DNAH17: variants seen among roughly 807,000 people sequenced by gnomAD.
DNAH17 encodes the protein axonemal beta dynein heavy chain 17.
In DNAH17, 376 loss-of-function variants were observed where a neutral mutation model predicts 485.6. The observed-to-expected ratio is 0.77, with a 90% confidence interval of 0.71 to 0.84. The LOEUF is 0.84. DNAH17 is among the 40% of genes least tolerant of loss of function. The probability of loss-of-function intolerance (pLI) is 0.00; values close to 1 mark genes in which losing one functional copy is unlikely to be tolerated. For synonymous variants in DNAH17, 3,031 were observed against 2,405.9 expected, an observed-to-expected ratio of 1.26 and a Z score of -7.60; for missense variants, 6,370 against 5,839.3, an observed-to-expected ratio of 1.09 and a Z score of -2.96.
intron 48 of DNAH17, 162 bp downstream of exon 48, chr17:78,484,697 GGGGCCCAGC>G (rs1425705815): frequency 4.9e-6 from 2 of 407,510 alleles, no homozygotes; most frequent in African/African-American, 4.2e-5. Context: ...CACAAACTTG[GGGGCCCAGC>G]TACGACCCGT....
chr17:78,508,556 A>C (rs2090549885), intron 27 of DNAH17, among the ~76,000 whole-genome samples: 1 of 152,172 alleles, frequency 6.6e-6, no homozygotes, highest in East Asian at 1.9e-4. Flanking sequence ...TGGAATTCTC[A>C]GACCCAGCTG....
Position 78,485,571 on chromosome 17 carries a change from T to C in DNAH17, c.7462A>G (p.Thr2488Ala). 6.2e-7 allele frequency: 1 copy of C among 1,612,496 alleles called. No homozygotes were observed. Residue 2488 changes from threonine (T) to alanine (A), a missense_variant, in exon 47 of 81, where the codon ACG (threonine) becomes GCG (alanine). Physicochemically the swap from Thr to Ala is moderately conservative, Grantham distance 58 (BLOSUM62 0). Coordinates refer to ENST00000389840, the MANE Select transcript of DNAH17 (RefSeq NM_173628.4). ...LVQAVPFNFYTTSAMLQGVLE... is the reference protein window; with the variant it reads ...LVQAVPFNFYATSAMLQGVLE... ...TCACCCTGCAGCATGGCTGAGGTCG[T>C]GTAGAAGTTGAAGGGCACAGCCTGC...
chr17:78,467,450 G>A (rs1389935066), intron 55 of DNAH17, among the ~76,000 whole-genome samples: 1 of 152,254 alleles, frequency 6.6e-6, no homozygotes, highest in Non-Finnish European at 1.5e-5. Context: ...GACAGAGCCG[G>A]CACTGGCAGG....
chr17:78,563,448 G>T (rs1408438651), intron 11 of DNAH17, among the ~76,000 whole-genome samples: 1 of 152,026 alleles, frequency 6.6e-6, no homozygotes, highest in Non-Finnish European at 1.5e-5. Flanking sequence ...CTGTAATGCG[G>T]GTAGATGTTT....
intron 11 of DNAH17, among the ~76,000 whole-genome samples, chr17:78,562,471 GT>G (rs995315356): frequency 2.8e-4 from 43 of 152,082 alleles, no homozygotes; most frequent in Admixed American, 3.9e-4. Flanking sequence ...GCGGGGTCCA[GT>G]TTTTGTATTC....
At chr17:78,529,431 C>G (rs1455171918) in intron 22 of DNAH17, 41 bp downstream of exon 22, 2 of 1,602,876 alleles carry the variant, frequency 1.2e-6, no homozygotes, top group Non-Finnish European at 1.7e-6. Context: ...GGATGGCTCT[C>G]CCTGCTCACC....
At chr17:78,482,939 C>G (rs1480324473) in intron 48 of DNAH17, among the ~76,000 whole-genome samples, 2 of 152,156 alleles carry the variant, frequency 1.3e-5, no homozygotes, top group Admixed American at 1.3e-4. Context: ...AAATCTTAAA[C>G]AAATTTTACA....
In DNAH17 at chr17:78,485,022, T is replaced by C. The variant is rs1296883516; in HGVS notation, c.7495A>G (p.Lys2499Glu). ...CTCCCCGATTTCTTCTCCAGCGGCT[T>C]CTCCAGCACCCCTAGAGAGGGCAGA... Reference protein sequence around the residue: ...TSAMLQGVLEKPLEKKSGRNY... With the variant: ...TSAMLQGVLEEPLEKKSGRNY... Residue 2499 changes from lysine to glutamate, a missense_variant, in exon 48 of 81, where the codon AAG (lysine) becomes GAG (glutamate). Transcript: ENST00000389840. 2 of 1,610,500 alleles carry C rather than the reference T, an allele frequency of 1.2e-6. No homozygotes were observed. The highest frequency in any genetic ancestry group is 3.3e-5 in the Admixed American group (2 of 59,768).
Position 78,568,341 on chromosome 17 carries a change from C to T in DNAH17, c.1284+825G>A, listed in dbSNP as rs535323537. 5.3e-5 allele frequency among the ~76,000 whole-genome samples: 8 copies of T among 152,252 alleles called. No individual in the cohort carries two copies. The East Asian group carries it at 5.8e-4, about 11-fold the overall frequency. ...TGAGCGGGCCTCCCTCCCCTGCCCC[C>T]CAGGAGGTGTAGAAGAGAACTGGAC... is the stretch of plus-strand genomic sequence containing the variant. On this transcript the variant is annotated intron_variant, in intron 9 of 80. Transcript: ENST00000389840.
chr17:78,459,360 C>T (rs1468914315), intron 60 of DNAH17, among the ~76,000 whole-genome samples, 152 bp from the exon 61 acceptor site: 4 of 152,196 alleles, frequency 2.6e-5, no homozygotes, highest in South Asian at 2.1e-4. Context: ...GGCCACCCCC[C>T]ACCGGCTCTG....
chr17:78,513,827 C>G (rs377183484), intron 26 of DNAH17, among the ~76,000 whole-genome samples: 62 of 152,268 alleles, frequency 4.1e-4, no homozygotes, highest in African/African-American at 1.4e-3. Context: ...AATTTTTTTC[C>G]TCTGCTGTAA....
intron 5 of DNAH17, 98 bp downstream of exon 5, chr17:78,571,181 G>A: frequency 7.6e-7 from 1 of 1,310,834 alleles, no homozygotes; most frequent in Non-Finnish European, 1.1e-6. Context: ...GCTCGCAGAG[G>A]GAGGCCAACA....
intron 76 of DNAH17, among the ~76,000 whole-genome samples, 197 bp from the exon 77 acceptor site, chr17:78,428,904 T>C (rs1331755184): frequency 7.4e-6 from 1 of 135,140 alleles, no homozygotes; most frequent in African/African-American, 2.8e-5. Context: ...CCCCCTTCCC[T>C]GAGGCTGCAT....
intron 16 of DNAH17, 57 bp from the exon 17 acceptor site, chr17:78,544,054 C>G: frequency 6.2e-7 from 1 of 1,610,334 alleles, no homozygotes; most frequent in Non-Finnish European, 8.5e-7. Flanking sequence ...CTTTCAGTCG[C>G]AGTCCTTTGC....
intron 49 of DNAH17, 48 bp downstream of exon 49, chr17:78,480,636 G>C: frequency 6.6e-7 from 1 of 1,516,714 alleles, no homozygotes; most frequent in Non-Finnish European, 9.1e-7. Context: ...CCAGAAGCAA[G>C]CCTCAGACTC....
rs761353696 is a variant in DNAH17 at position 78,475,325 on chromosome 17, C to A, written c.8464G>T (p.Val2822Leu). The A allele has an allele frequency of 1.2e-5, 20 of 1,613,874 alleles. No homozygotes were observed. In the Admixed American group the frequency reaches 3.3e-4, roughly 27 times the overall value. Residue 2822 changes from valine (V) to leucine (L), a missense_variant, in exon 54 of 81, where the codon GTG (valine) becomes TTG (leucine). Transcript: ENST00000389840. ...RLAAYISGLD[V>L]FQITLKKGYG... ...CCCTTCTTGAGGGTGATCTGAAACA[C>A]GTCAAGCCCGCTGATGTACGCTGCC...
rs1244348068 is a variant in DNAH17, at chr17:78,501,733, C to G, written c.5322+9G>C. ...CTTCCCCTGGCCCCTGGGACAGGGG[C>G]GCTCATGCCTTGGCCACGATCATTT... On this transcript the variant is annotated intron_variant, in intron 34 of 80. Transcript: ENST00000389840. 1.2e-6 allele frequency: 2 copies of G among 1,611,484 alleles called. No homozygotes were observed. The highest frequency in any genetic ancestry group is 3.3e-5 in the Admixed American group (2 of 60,024).
At chr17:78,542,037 G>C (rs1432784601) in intron 17 of DNAH17, among the ~76,000 whole-genome samples, 4 of 151,944 alleles carry the variant, frequency 2.6e-5, no homozygotes, top group South Asian at 2.1e-4. Flanking sequence ...CATCCCCCGG[G>C]TGTGGCCTGC....
In DNAH17 at chr17:78,541,435, T is replaced by C. The variant is rs561001935; in HGVS notation, c.2533-1555A>G. ...TGGATGGATGGATGAATCTCTAGGATACTAAGTGCTATAGGGAAACTCAAA... is the reference window on the plus strand; with the variant it reads ...TGGATGGATGGATGAATCTCTAGGACACTAAGTGCTATAGGGAAACTCAAA... On this transcript the variant is annotated intron_variant, in intron 17 of 80. Transcript: ENST00000389840. 5.5e-4 allele frequency among the ~76,000 whole-genome samples: 83 copies of C among 151,432 alleles called. 1 individual carries two copies. The South Asian group carries it at 0.016, about 29-fold the overall frequency.
Sources: gnomAD v4.1 joint callset for allele counts (sites outside exome capture counted in the v4.1 genomes callset) on GRCh38, gnomAD v4.1.1 for gene constraint, MANE v1.5 for transcripts, NCBI Gene and HGNC (gene_info 2026-07-23, HGNC 2026-07-21) for gene names.